The following LYPD6B variants were observed in gnomAD, a reference collection of about 807,000 sequenced individuals.
LYPD6B encodes the protein ly6/PLAUR domain-containing protein 6B.
Under a neutral mutation model 22.8 loss-of-function variants are expected in LYPD6B, and 17 were observed. The observed-to-expected ratio is 0.75, with a 90% CI of 0.51 to 1.12. LYPD6B has a LOEUF of 1.12. LYPD6B is among the 50% of genes most tolerant of loss of function. LYPD6B has a pLI of 0.00. For missense variants in LYPD6B, 221 were observed against 258.3 expected (o/e 0.86, Z 0.99); for synonymous variants, 106 against 91.6 (o/e 1.16, Z -0.90).
intron 1 of LYPD6B, among the ~76,000 whole-genome samples, chr2:149,061,543 A>T (rs138051063): frequency 6.6e-6 from 1 of 152,124 alleles, no homozygotes; most frequent in Non-Finnish European, 1.5e-5. Context: ...GCTGGGAGAA[A>T]GGACAGGGGG....
chr2:149,166,498 G>A (rs1001256415), intron 3 of LYPD6B, among the ~76,000 whole-genome samples: 1 of 152,050 alleles, frequency 6.6e-6, no homozygotes, highest in Non-Finnish European at 1.5e-5. Context: ...CTAGACTTGC[G>A]TCTCCAGGAT....
intron 1 of LYPD6B, among the ~76,000 whole-genome samples, chr2:149,079,168 G>T (rs1210775207): frequency 6.6e-6 from 1 of 151,950 alleles, no homozygotes; most frequent in African/African-American, 2.4e-5. Flanking sequence ...TGTGAGGGCG[G>T]GGCTGGTGTC....
chr2:149,128,733 G>A (rs1440226443), intron 1 of LYPD6B, among the ~76,000 whole-genome samples: 2 of 152,164 alleles, frequency 1.3e-5, no homozygotes, highest in Non-Finnish European at 2.9e-5. Context: ...GGAAATTACA[G>A]AGCCTTTGTA....
At chr2:149,152,185 C>G (rs988391388) in intron 2 of LYPD6B, among the ~76,000 whole-genome samples, 1 of 152,110 alleles carries the variant, frequency 6.6e-6, no homozygotes, top group Non-Finnish European at 1.5e-5. Flanking sequence ...CACTTTTATG[C>G]TTATCTCATT....
intron 1 of LYPD6B, among the ~76,000 whole-genome samples, chr2:149,055,208 A>G (rs1683735442): frequency 1.3e-5 from 2 of 152,290 alleles, no homozygotes; most frequent in South Asian, 2.1e-4. Context: ...CCATAAATAC[A>G]TGGCTTTATT....
intron 3 of LYPD6B, among the ~76,000 whole-genome samples, chr2:149,165,767 CATGTTAACCCTA>C (rs1315156739): frequency 3.3e-5 from 5 of 152,160 alleles, no homozygotes; most frequent in Non-Finnish European, 5.9e-5. Context: ...TCAGAGTCTG[CATGTTAACCCTA>C]ATGCTTCTCA....
chr2:149,180,175 T>G (rs1018520784), intron 3 of LYPD6B, among the ~76,000 whole-genome samples: 2 of 152,224 alleles, frequency 1.3e-5, no homozygotes, highest in Non-Finnish European at 2.9e-5. Context: ...GTATGCCTTA[T>G]GTGAAAAGGT....
intron 2 of LYPD6B, chr2:149,160,562 T>C: frequency 1.5e-6 from 1 of 666,880 alleles, no homozygotes; most frequent in Non-Finnish European, 2.8e-6. Flanking sequence ...TCACACTCTC[T>C]GTAATGTTAA....
chr2:149,162,573 T>C (rs1445758456), intron 3 of LYPD6B, among the ~76,000 whole-genome samples: 7 of 152,242 alleles, frequency 4.6e-5, no homozygotes, highest in African/African-American at 1.7e-4. Context: ...CTCTTCTGCA[T>C]GAAGGTAGCC....
intron 1 of LYPD6B, among the ~76,000 whole-genome samples, chr2:149,107,962 A>T (rs1398638978): frequency 1.3e-5 from 2 of 152,210 alleles, no homozygotes; most frequent in Non-Finnish European, 2.9e-5. Flanking sequence ...CATTTCAATT[A>T]TAATGGTAGA....
chr2:149,166,952 A>G (rs1690466246), intron 3 of LYPD6B, among the ~76,000 whole-genome samples: 1 of 151,780 alleles, frequency 6.6e-6, no homozygotes, highest in Non-Finnish European at 1.5e-5. Context: ...CAACCACGAC[A>G]TCCTAGGGTT....
At chr2:149,187,874 T>C (rs1692226824) in intron 3 of LYPD6B, among the ~76,000 whole-genome samples, 1 of 152,372 alleles carries the variant, frequency 6.6e-6, no homozygotes, top group Non-Finnish European at 1.5e-5. Flanking sequence ...TTAGAGGGTA[T>C]AAATTGGATT....
chr2:149,100,975 A>G (rs542010982), intron 1 of LYPD6B: 13 of 152,308 alleles, frequency 8.5e-5, no homozygotes, highest in East Asian at 1.9e-4. Context: ...ACCCTTGTCA[A>G]TGTTCTAATC....
At chr2:149,114,337 A>G (rs1366596009) in intron 1 of LYPD6B, among the ~76,000 whole-genome samples, 1 of 152,176 alleles carries the variant, frequency 6.6e-6, no homozygotes, top group African/African-American at 2.4e-5. Flanking sequence ...TTTCTTTTGG[A>G]AAAGTGTTAG....
chr2:149,189,361 T>C lies in LYPD6B; in HGVS notation c.78-15892T>C, dbSNP rs951478902. 2.2e-4 allele frequency among the ~76,000 whole-genome samples: 19 copies of C among 86,172 alleles called. No homozygotes were observed. In the South Asian group the frequency reaches 4.0e-3, roughly 18 times the overall value. 56.5% of individuals were successfully genotyped at this position (86,172 alleles called of 152,430 possible). On this transcript the variant is annotated intron_variant, in intron 3 of 6. Coordinates refer to ENST00000409642, the MANE Select transcript of LYPD6B (RefSeq NM_177964.5). The stretch of plus-strand genomic sequence containing the variant: ...CCAAAATTATATATATATATATATA[T>C]ATATATACACACACATATGTATATA...
chr2:149,102,693 G>A (rs372095773), intron 1 of LYPD6B, among the ~76,000 whole-genome samples: 16 of 152,184 alleles, frequency 1.1e-4, no homozygotes, highest in Middle Eastern at 3.4e-3. Flanking sequence ...GTAGTGGTAC[G>A]ATCTCAGCTC....
chr2:149,156,653 C>A (rs1457587413), intron 2 of LYPD6B, among the ~76,000 whole-genome samples: 1 of 152,196 alleles, frequency 6.6e-6, no homozygotes, highest in East Asian at 1.9e-4. Flanking sequence ...GGTCACCAGT[C>A]ACCTATTGGA....
rs560856104 is a variant in LYPD6B, at chr2:149,069,542, C to T, written c.-67+30741C>T. ...TGTCACAGATTTTGGCTGATAGCATCTTATTTATGTTGAGAAGCTGGTTGG... is the reference window on the plus strand; with the variant it reads ...TGTCACAGATTTTGGCTGATAGCATTTTATTTATGTTGAGAAGCTGGTTGG... On this transcript the variant is annotated intron_variant, in intron 1 of 6. Coordinates refer to ENST00000409642, the MANE Select transcript of LYPD6B (RefSeq NM_177964.5). 4.0e-4 allele frequency among the ~76,000 whole-genome samples: 61 copies of T among 152,232 alleles called. 1 individual carries two copies. Among genetic ancestry groups the T allele is most frequent in the Non-Finnish European group, 6.6e-4 (45 of 68,010 alleles).
chr2:149,134,595 A>T (rs549889126), intron 2 of LYPD6B, among the ~76,000 whole-genome samples: 2 of 152,316 alleles, frequency 1.3e-5, no homozygotes, highest in East Asian at 3.9e-4. Context: ...CTTAAGATAG[A>T]TTTGAATCAA....
Sources: allele counts gnomAD v4.1 joint callset (sites outside exome capture counted in the v4.1 genomes callset), GRCh38; gene constraint gnomAD v4.1.1; transcripts MANE v1.5; gene names NCBI Gene and HGNC (gene_info 2026-07-23, HGNC 2026-07-21).